MYH3: variants seen among roughly 807,000 people sequenced by gnomAD.
MYH3 encodes myosin-3.
A neutral mutation model predicts 238.0 loss-of-function variants in MYH3; 130 were observed. The ratio of observed to expected loss-of-function variants is 0.55; its 90% CI spans 0.47 to 0.63. The LOEUF (loss-of-function observed/expected upper bound fraction) is 0.63. Among genes scored for constraint, MYH3 ranks in the 30% least tolerant of loss-of-function variants. The pLI is 0.00. For missense variants in MYH3, 1,853 were observed against 2,374.9 expected (o/e 0.78, Z 4.57); for synonymous variants, 880 against 924.1 (o/e 0.95, Z 0.86).
At chr17:10,651,747 G>GTTTTTT in intron 4 of MYH3, 79 bp from the exon 5 acceptor site, 1 of 744,792 alleles carries the variant, frequency 1.3e-6, no homozygotes. Context: ...TATTATTATT[G>GTTTTTT]TTTTTTTTTT....
At position 10,642,968 on chromosome 17, in the gene MYH3, T is replaced by C; in HGVS notation, c.1439A>G (p.Asn480Ser). 1.9e-6 allele frequency: 3 copies of C among 1,614,202 alleles called. No homozygotes were observed. The highest frequency in any genetic ancestry group is 4.5e-5 in the East Asian group (2 of 44,888). Residue 480 changes from asparagine (N) to serine (S), a missense_variant, in exon 15 of 41, where the codon AAC becomes AGC. Transcript: ENST00000583535. This position sits in a 1 kb window ranked among gnomAD's most constrained non-coding sequence, Gnocchi z 5.4. ...CTGTTGCAGTTTCTCATTGGTGAAG[T>C]TGATGCACAGCTGCTCCAGGCTGTT... ...EYNSLEQLCI[N>S]FTNEKLQQFF...
rs750612161 is a variant in MYH3, at chr17:10,639,135, T to G, written c.3157A>C (p.Lys1053Gln). 1 of 1,614,166 alleles carries G rather than the reference T, an allele frequency of 6.2e-7. No individual in the cohort carries two copies. The highest frequency in any genetic ancestry group is 8.5e-7 in the Non-Finnish European group (1 of 1,179,974). ...TTCAAGTCTCCTTCCAATTTCCTTT[T>G]GTTCCTTTCCAGGTCTACTCGGAGC... ...KKLRVDLERN[K>Q]RKLEGDLKLA... The change falls in exon 25 of 41, where the codon AAA becomes CAA. Residue 1053 changes from lysine to glutamine, a missense_variant. Lys to Gln is a moderately conservative substitution (Grantham distance 53). This residue lies in a region of MYH3 where 1,044 missense variants were observed against 1,192.6 expected (regional missense o/e 0.88). Coordinates refer to ENST00000583535, the MANE Select transcript of MYH3 (RefSeq NM_002470.4).
At chr17:10,655,546 G>A (rs1225733671) in intron 2 of MYH3, among the ~76,000 whole-genome samples, 1 of 152,202 alleles carries the variant, frequency 6.6e-6, no homozygotes, top group African/African-American at 2.4e-5. Flanking sequence ...GCTCGTATGC[G>A]GGAACCTGCC....
intron 12 of MYH3, among the ~76,000 whole-genome samples, chr17:10,645,002 G>A (rs1597489233): frequency 6.6e-6 from 1 of 151,694 alleles, no homozygotes; most frequent in East Asian, 1.9e-4. Flanking sequence ...CCCAGAAAGG[G>A]TCATTCACTT....
In MYH3 at chr17:10,645,858, G is replaced by GGGCA; in HGVS notation, c.1003-17_1003-14dup. On this transcript the variant is annotated splice_polypyrimidine_tract_variant and intron_variant, in intron 11 of 40. Transcript: ENST00000583535. ...TGTCAATGGCGCTCTGGCATGGAAA[G>GGGCA]GGCAGCACGTCAGTCAGTTGGCCCC... 6.2e-7 allele frequency: 1 copy of GGGCA among 1,613,962 alleles called. No homozygotes were observed. The highest frequency in any genetic ancestry group is 1.1e-5 in the South Asian group (1 of 91,068).
At chr17:10,635,303 A>G in intron 30 of MYH3, 64 bp downstream of exon 30, 1 of 1,613,056 alleles carries the variant, frequency 6.2e-7, no homozygotes, top group Non-Finnish European at 8.5e-7. Flanking sequence ...ACGCCTAGTA[A>G]TAAAAATAAA....
At chr17:10,635,106 A>G in intron 30 of MYH3, 83 bp from the exon 31 acceptor site, 1 of 1,473,018 alleles carries the variant, frequency 6.8e-7, no homozygotes, top group Non-Finnish European at 9.4e-7. Flanking sequence ...GGAATCACTA[A>G]TCTATGTGAT....
rs1232800539 is a variant in MYH3, at chr17:10,633,731, T to C, written c.4523-16A>G. The C allele has an allele frequency of 6.2e-7, 1 of 1,613,756 alleles. No individual in the cohort carries two copies. The highest frequency in any genetic ancestry group is 8.5e-7 in the Non-Finnish European group (1 of 1,180,004). On this transcript the variant is annotated splice_polypyrimidine_tract_variant and intron_variant, in intron 32 of 40. Transcript: ENST00000583535. ...GCTATCTCCTCTGTAAAGAAGTAAG[T>C]TTCAGTTGCATATGAGCGCCTCTGC...
chr17:10,640,824 G>A (rs1019751748), intron 19 of MYH3, 138 bp from the exon 20 acceptor site: 10 of 1,116,132 alleles, frequency 9.0e-6, no homozygotes, highest in Non-Finnish European at 1.2e-5. Context: ...GAGTCACATT[G>A]CTAGAGAGCA....
In MYH3 at chr17:10,648,540, A is replaced by C. The variant is rs1278078375; in HGVS notation, c.735+17T>G. ...GAGGCACAAAGCAAATTCCATCTTA[A>C]CCAAACTCAGACTCACAAAACGGGA... On this transcript the variant is annotated intron_variant, in intron 8 of 40. Transcript: ENST00000583535. 6.2e-7 allele frequency: 1 copy of C among 1,608,818 alleles called. No individual in the cohort carries two copies. Among genetic ancestry groups the C allele is most frequent in the Non-Finnish European group, 8.5e-7 (1 of 1,175,178 alleles).
intron 29 of MYH3, 36 bp from the exon 30 acceptor site, chr17:10,635,599 T>C: frequency 6.2e-7 from 1 of 1,614,202 alleles, no homozygotes. Context: ...ACCTGATATA[T>C]TTAGTGCCAG....
At chr17:10,660,401 C>T (rs765688770), upstream of MYH3, among the ~76,000 whole-genome samples, 2 of 152,184 alleles carry the variant, frequency 1.3e-5, no homozygotes, top group African/African-American at 2.4e-5. Context: ...TCTGGCCGGG[C>T]GCGGTGGCTC....
At chr17:10,641,989 T>TG (rs1291599912) in intron 17 of MYH3, among the ~76,000 whole-genome samples, 2 of 152,204 alleles carry the variant, frequency 1.3e-5, no homozygotes, top group Admixed American at 1.3e-4. Context: ...TTAGGAAAAT[T>TG]GGAGAGTTTA....
chr17:10,649,932 C>T (rs569995352), intron 6 of MYH3, among the ~76,000 whole-genome samples: 5 of 152,180 alleles, frequency 3.3e-5, no homozygotes, highest in African/African-American at 1.2e-4. Flanking sequence ...CTCCCCATCC[C>T]CAAATCGATC....
In MYH3 at chr17:10,640,450, A is replaced by G. The variant is rs2074260106; in HGVS notation, c.2309T>C (p.Leu770Ser). 1 of 1,614,126 alleles carries G rather than the reference A, an allele frequency of 6.2e-7. No individual in the cohort carries two copies. The highest frequency in any genetic ancestry group is 1.7e-5 in the Admixed American group (1 of 60,010). ...GHTKVFFKAG[L>S]LGTLEEMRDD... The stretch of plus-strand genomic sequence containing the variant: ...CCGCATCTCTTCCAGGGTTCCCAGC[A>G]AGCCAGCCTTGAAGAACACCTTATG... The change falls in exon 21 of 41, where the codon TTG becomes TCG. Residue 770 changes from leucine to serine, a missense_variant. Physicochemically the swap from Leu to Ser is moderately radical, Grantham distance 145. Transcript: ENST00000583535.
the MYH3 span, chr17:10,672,516 C>A: frequency 6.6e-6 from 1 of 151,882 alleles, no homozygotes; most frequent in Non-Finnish European, 1.5e-5. Flanking sequence ...TATTACAATT[C>A]ACCCTTTTAA....
rs533187758 is a variant in MYH3 at position 10,634,012 on chromosome 17, C to T, written c.4522+5G>A. The T allele has an allele frequency of 1.2e-6, 2 of 1,613,674 alleles. No individual in the cohort carries two copies. Among genetic ancestry groups the T allele is most frequent in the East Asian group, 2.2e-5 (1 of 44,882 alleles). On this transcript the variant is annotated splice_donor_5th_base_variant and intron_variant, in intron 32 of 40. Coordinates refer to ENST00000583535, the MANE Select transcript of MYH3 (RefSeq NM_002470.4). ...GGAGGTTTCAGAGGGTTTCGAATAG[C>T]TTACGCTCTAAGTTCTTATTTTCCC...
In MYH3 at chr17:10,639,336, T is replaced by C. The variant is rs762402646; in HGVS notation, c.3064A>G (p.Asn1022Asp). ...QAEEDKVNSLNKTKSKLEQQV... is the reference protein window; with the variant it reads ...QAEEDKVNSLDKTKSKLEQQV... The stretch of plus-strand genomic sequence containing the variant: ...TGTTCCAGTTTGCTCTTGGTTTTGT[T>C]CAAAGAATTGACTTTGTCTTCTTCA... The change falls in exon 24 of 41, where the codon AAC (asparagine) becomes GAC (aspartate). Residue 1022 changes from asparagine to aspartate, a missense_variant. This residue lies in a region of MYH3 where 1,044 missense variants were observed against 1,192.6 expected (regional missense o/e 0.88). Transcript: ENST00000583535. 1 of 1,614,180 alleles carries C rather than the reference T, an allele frequency of 6.2e-7. No homozygotes were observed. The highest frequency in any genetic ancestry group is 8.5e-7 in the Non-Finnish European group (1 of 1,180,040).
chr17:10,640,010 G>C lies in MYH3; in HGVS notation c.2668C>G (p.Leu890Val), dbSNP rs879255375. The stretch of plus-strand genomic sequence containing the variant: ...TAAACACGTACAGCTTGTACTTGGA[G>C]CTGCAGGTCATTCTTCTCTTGGACC... ...TLVQEKNDLQLQVQAESENLL... is the reference protein window; with the variant it reads ...TLVQEKNDLQVQVQAESENLL... The change falls in exon 22 of 41, where the codon CTC becomes GTC. Residue 890 changes from leucine (L) to valine (V), a missense_variant. Leu to Val is a conservative substitution (Grantham distance 32, BLOSUM62 1). This residue lies in a region of MYH3 where 678 missense variants were observed against 1,058.9 expected (regional missense o/e 0.64). Transcript: ENST00000583535. 5.0e-6 allele frequency: 8 copies of C among 1,613,390 alleles called. No homozygotes were observed. The Admixed American group carries it at 1.3e-4, about 27-fold the overall frequency.
Sources: gnomAD v4.1 joint callset for allele counts (sites outside exome capture counted in the v4.1 genomes callset) on GRCh38, gnomAD v4.1.1 for gene constraint, gnomAD v4.1.1 regional missense constraint, Gnocchi (gnomAD v3.1) non-coding constraint, MANE v1.5 for transcripts, NCBI Gene and HGNC (gene_info 2026-07-23, HGNC 2026-07-21) for gene names.